LRBA: variants seen among roughly 807,000 people sequenced by gnomAD.
LRBA encodes LPS responsive beige-like anchor protein.
In LRBA, 176 loss-of-function variants were observed where a neutral mutation model predicts 330.0. The observed-to-expected ratio is 0.53, with a 90% confidence interval of 0.47 to 0.60. LRBA has a LOEUF of 0.60. Ranked by LOEUF, LRBA falls within the 20% of genes least tolerant of loss-of-function variation. The pLI, the probability that LRBA is intolerant of heterozygous loss-of-function variation, is 0.00. For missense variants in LRBA, 3,259 were observed against 3,444.8 expected, an observed-to-expected ratio of 0.95 and a Z score of 1.35; for synonymous variants, 1,230 against 1,193.0, an observed-to-expected ratio of 1.03 and a Z score of -0.64.
intron 30 of LRBA, among the ~76,000 whole-genome samples, chr4:150,821,649 T>A (rs984981948): frequency 1.3e-5 from 2 of 152,192 alleles, no homozygotes; most frequent in African/African-American, 4.8e-5. Flanking sequence ...AATGCTATTT[T>A]ACTTAACATG....
At chr4:150,501,566 C>T (rs777134512) in intron 40 of LRBA, among the ~76,000 whole-genome samples, 23 of 151,452 alleles carry the variant, frequency 1.5e-4, no homozygotes, top group Admixed American at 2.6e-4. Context: ...GAGCCAAGGT[C>T]GTGCCACTGT....
chr4:150,310,043 A>C lies in LRBA; in HGVS notation c.7849+186T>G, dbSNP rs371099521. Among the ~76,000 whole-genome samples the C allele has an allele frequency of 1.1e-3, 163 of 152,290 alleles. 2 individuals carry two copies. In the South Asian group the frequency reaches 0.033, roughly 31 times the overall value. The stretch of plus-strand genomic sequence containing the variant: ...CTGTCTCTTACAAACATGCTGTAGC[A>C]AATTTAATAGTGGACTATATATAGT... On this transcript the variant is annotated intron_variant, in intron 52 of 56. Coordinates refer to ENST00000651943, the MANE Select transcript of LRBA (RefSeq NM_001364905.1).
chr4:150,402,062 G>A lies in LRBA; in HGVS notation c.7194+13376C>T, dbSNP rs537192275. 4.6e-5 allele frequency among the ~76,000 whole-genome samples: 7 copies of A among 150,994 alleles called. No homozygotes were observed. The South Asian group carries it at 1.0e-3, about 23-fold the overall frequency. ...TCCCAGCACTTTCAGAGGCCGAGACGGGCAAATCATAAGGTCAGGAGATCG... is the reference window on the plus strand; with the variant it reads ...TCCCAGCACTTTCAGAGGCCGAGACAGGCAAATCATAAGGTCAGGAGATCG... On this transcript the variant is annotated intron_variant, in intron 47 of 56. Transcript: ENST00000651943.
intron 34 of LRBA, among the ~76,000 whole-genome samples, chr4:150,792,128 C>A (rs1229944711): frequency 6.7e-6 from 1 of 148,956 alleles, no homozygotes; most frequent in East Asian, 2.0e-4. Context: ...AAAAAATAAT[C>A]CTTTATTTCA....
intron 49 of LRBA, among the ~76,000 whole-genome samples, chr4:150,322,958 G>A (rs1204870057): frequency 6.8e-6 from 1 of 147,980 alleles, no homozygotes; most frequent in Non-Finnish European, 1.5e-5. Context: ...AACGCAGCAC[G>A]AGGTGGCTTT....
At chr4:150,365,095 G>C (rs558470156) in intron 47 of LRBA, among the ~76,000 whole-genome samples, 1 of 151,842 alleles carries the variant, frequency 6.6e-6, no homozygotes, top group Non-Finnish European at 1.5e-5. Context: ...CTGCAGCCTC[G>C]ACCTCCTGAG....
chr4:150,941,552 A>T (rs1211677333), intron 2 of LRBA, among the ~76,000 whole-genome samples: 1 of 152,210 alleles, frequency 6.6e-6, no homozygotes, highest in African/African-American at 2.4e-5. Context: ...TACAATCCAG[A>T]CTTTTTTTGG....
At chr4:150,872,287 T>G (rs1309333783) in intron 18 of LRBA, among the ~76,000 whole-genome samples, 1 of 152,142 alleles carries the variant, frequency 6.6e-6, no homozygotes, top group Non-Finnish European at 1.5e-5. Context: ...AAGTTTCAGT[T>G]TTGAGTTACG....
At chr4:150,289,303 A>G (rs1748558422) in intron 53 of LRBA, among the ~76,000 whole-genome samples, 1 of 152,214 alleles carries the variant, frequency 6.6e-6, no homozygotes, top group Non-Finnish European at 1.5e-5. Flanking sequence ...CATGCAGAGT[A>G]ATTTCAAAAC....
At chr4:150,795,743 A>G (rs1740688420) in intron 34 of LRBA, among the ~76,000 whole-genome samples, 1 of 151,998 alleles carries the variant, frequency 6.6e-6, no homozygotes, top group Non-Finnish European at 1.5e-5. Flanking sequence ...CTTAGTCAAA[A>G]CAAATATATA....
At chr4:150,511,969 T>C (rs1241516864) in intron 40 of LRBA, among the ~76,000 whole-genome samples, 1 of 152,216 alleles carries the variant, frequency 6.6e-6, no homozygotes, top group Non-Finnish European at 1.5e-5. Context: ...AAATTGTAAA[T>C]GTCTCCCTCA....
In LRBA at chr4:150,867,749, G is replaced by A; in HGVS notation, c.2688C>T (p.Ile896=). The change falls in exon 22 of 57, where the codon ATC becomes ATT. Residue 896 remains isoleucine (I), a synonymous_variant. Transcript: ENST00000651943. ...CATATTTGACTGCATGGTAAAGCAG[G>A]ATTCTGAATATGGCGTATACCATTT... ...ITEMVYAIFR[I]LLYHAVKYEW... 1.2e-6 allele frequency: 2 copies of A among 1,613,802 alleles called. No individual in the cohort carries two copies. Among genetic ancestry groups the A allele is most frequent in the Non-Finnish European group, 1.7e-6 (2 of 1,179,818 alleles).
At chr4:150,573,339 A>G (rs1432052993) in intron 40 of LRBA, among the ~76,000 whole-genome samples, 1 of 152,220 alleles carries the variant, frequency 6.6e-6, no homozygotes, top group Non-Finnish European at 1.5e-5. Context: ...ATTCACAAAT[A>G]GCAATGCATT....
Position 150,908,877 on chromosome 4 carries a change from A to G in LRBA, c.1162-20T>C, listed in dbSNP as rs779695398. On this transcript the variant is annotated intron_variant, in intron 9 of 56. Transcript: ENST00000651943. The stretch of plus-strand genomic sequence containing the variant: ...TGTACCCTAAGAATTAATTAAAAAC[A>G]GTTAAATAGTATGCCACAAAGAGAA... The G allele has an allele frequency of 2.0e-6, 3 of 1,531,170 alleles. No homozygotes were observed. Among genetic ancestry groups the G allele is most frequent in the Non-Finnish European group, 2.7e-6 (3 of 1,110,048 alleles). 94.8% of individuals were successfully genotyped at this position (1,531,170 alleles called of 1,614,324 possible). A position where few individuals can be genotyped will look rare whatever the true frequency, so the allele number is the denominator to read the frequency against.
At chr4:150,608,150 G>T (rs961282606) in intron 37 of LRBA, among the ~76,000 whole-genome samples, 1 of 152,208 alleles carries the variant, frequency 6.6e-6, no homozygotes, top group Admixed American at 6.5e-5. Flanking sequence ...GGTTGAGGTT[G>T]CAGTGAGCTG....
At chr4:150,553,551 C>T (rs921520907) in intron 40 of LRBA, among the ~76,000 whole-genome samples, 2 of 152,088 alleles carry the variant, frequency 1.3e-5, no homozygotes, top group Admixed American at 6.6e-5. Flanking sequence ...GGGTTGGGAA[C>T]CCTTGCCTTA....
intron 2 of LRBA, among the ~76,000 whole-genome samples, chr4:150,941,878 CAA>C (rs34618331): frequency 1.2e-4 from 13 of 110,316 alleles, no homozygotes; most frequent in Non-Finnish European, 1.4e-4. Context: ...GACTCTGTCT[CAA>C]AAAAAAAAAA....
intron 28 of LRBA, chr4:150,840,770 A>C (rs986592435): frequency 3.7e-6 from 1 of 272,672 alleles, no homozygotes; most frequent in South Asian, 5.0e-5. Flanking sequence ...AGTTCAACAC[A>C]GAGTTGCCAA....
intron 42 of LRBA, among the ~76,000 whole-genome samples, chr4:150,478,873 C>T (rs1756995937): frequency 6.6e-6 from 1 of 152,160 alleles, no homozygotes; most frequent in African/African-American, 2.4e-5. Flanking sequence ...CTTATCACAG[C>T]TATTTAGTTT....
Sources: allele counts gnomAD v4.1 joint callset (sites outside exome capture counted in the v4.1 genomes callset), GRCh38; gene constraint gnomAD v4.1.1; transcripts MANE v1.5; gene names NCBI Gene and HGNC (gene_info 2026-07-23, HGNC 2026-07-21).